Variants in GLIPR1L2 observed in about 807,000 individuals in gnomAD.
GLIPR1L2 encodes GLIPR1 like 2, also known as GLIPR1-like protein 2.
Under a neutral mutation model 28.4 loss-of-function variants are expected in GLIPR1L2, and 21 were observed. The observed-to-expected ratio is 0.74, with a 90% confidence interval of 0.52 to 1.06. The LOEUF (loss-of-function observed/expected upper bound fraction) is 1.06. Among genes scored for constraint, GLIPR1L2 ranks in the 50% least tolerant of loss-of-function variants. The pLI, the probability that GLIPR1L2 is intolerant of heterozygous loss-of-function variation, is 0.00. For synonymous variants in GLIPR1L2, 145 were observed against 139.3 expected, an observed-to-expected ratio of 1.04 and a Z score of -0.29; for missense variants, 476 against 416.9, an observed-to-expected ratio of 1.14 and a Z score of -1.23.
chr12:75,395,063 C>G (rs993367908), intron 1 of GLIPR1L2, among the ~76,000 whole-genome samples: 1 of 151,880 alleles, frequency 6.6e-6, no homozygotes, highest in Non-Finnish European at 1.5e-5. Flanking sequence ...TATTGAAAAG[C>G]AACTAATTTT....
intron 3 of GLIPR1L2, among the ~76,000 whole-genome samples, chr12:75,421,192 G>A (rs1275232449): frequency 6.9e-6 from 1 of 145,026 alleles, no homozygotes; most frequent in African/African-American, 2.9e-5. Flanking sequence ...GTAGCTAAAG[G>A]TGACTAGATC....
chr12:75,401,999 G>A (rs1205553363), intron 1 of GLIPR1L2, among the ~76,000 whole-genome samples: 3 of 151,450 alleles, frequency 2.0e-5, no homozygotes, highest in Non-Finnish European at 4.4e-5. Flanking sequence ...TGCAAGAACT[G>A]GAAAAAAAAT....
intron 1 of GLIPR1L2, among the ~76,000 whole-genome samples, chr12:75,405,805 A>G (rs1000844033): frequency 3.3e-5 from 5 of 152,152 alleles, no homozygotes; most frequent in African/African-American, 1.2e-4. Context: ...TTGTGAAAAG[A>G]AAAATTTATG....
At chr12:75,422,305 CT>C (rs34747987) in intron 3 of GLIPR1L2, among the ~76,000 whole-genome samples, 22,819 of 129,106 alleles carry the variant, frequency 0.18, 1,827 homozygotes, top group Admixed American at 0.24. Context: ...CTACATCATT[CT>C]TTTTTTTTTT....
chr12:75,417,561 A>G (rs1004715075), intron 3 of GLIPR1L2, among the ~76,000 whole-genome samples: 6 of 152,192 alleles, frequency 3.9e-5, no homozygotes, highest in African/African-American at 1.4e-4. Flanking sequence ...AGCAACCTTG[A>G]AAATTTTTCT....
At chr12:75,407,456 G>A (rs1225582926) in intron 1 of GLIPR1L2, among the ~76,000 whole-genome samples, 2 of 151,978 alleles carry the variant, frequency 1.3e-5, no homozygotes, top group Non-Finnish European at 2.9e-5. Flanking sequence ...CAAGTGGTGT[G>A]GAACTATAAA....
Position 75,410,481 on chromosome 12 carries a change from AT to A in GLIPR1L2, c.283del (p.Cys95ValfsTer104), listed in dbSNP as rs752899425. The A allele has an allele frequency of 3.1e-4, 507 of 1,609,726 alleles. 1 individual carries two copies. Among genetic ancestry groups the A allele is most frequent in the Non-Finnish European group, 3.8e-4 (448 of 1,177,616 alleles). On this transcript the variant is annotated frameshift_variant, in exon 2 of 6. Transcript: ENST00000550916. LOFTEE classifies it high-confidence loss of function. ...GGACTGCTAGAGCATGGGGAAAAAA[AT>A]GTTTGTTTACGCATAATATTTATTT... ...SRTARAWGKK[C>X]LFTHNIYLQD...
At chr12:75,413,542 A>G (rs2045892874) in intron 2 of GLIPR1L2, 56 bp from the exon 3 acceptor site, 1 of 929,976 alleles carries the variant, frequency 1.1e-6, no homozygotes, top group Non-Finnish European at 1.7e-6. Flanking sequence ...TGTTTATAAT[A>G]TGAAAGTCAA....
chr12:75,413,685 TG>T lies in GLIPR1L2; in HGVS notation c.569del (p.Cys190SerfsTer9). On this transcript the variant is annotated frameshift_variant, in exon 3 of 6. Coordinates refer to ENST00000550916, the MANE Select transcript of GLIPR1L2 (RefSeq NM_001270396.2). LOFTEE classifies it high-confidence loss of function. ...GHIIHAAIFI[C>X]NYAPGGTLTR... ...TATTATACATGCAGCAATTTTCATA[TG>T]CAACTATGCGCCAGGGTAAGTTACT... The T allele has an allele frequency of 6.7e-7, 1 of 1,489,504 alleles. No individual in the cohort carries two copies. Among genetic ancestry groups the T allele is most frequent in the Admixed American group, 2.1e-5 (1 of 47,990 alleles). 92.3% of individuals were successfully genotyped at this position (1,489,504 alleles called of 1,614,324 possible). A position where few individuals can be genotyped will look rare whatever the true frequency, so the allele number is the denominator to read the frequency against.
chr12:75,420,023 C>G (rs1566075646), intron 3 of GLIPR1L2, among the ~76,000 whole-genome samples: 1 of 152,158 alleles, frequency 6.6e-6, no homozygotes, highest in South Asian at 2.1e-4. Flanking sequence ...TCTTGGAAAA[C>G]CCATAGATCT....
At chr12:75,427,743 T>C (rs1313573890) in intron 4 of GLIPR1L2, among the ~76,000 whole-genome samples, 2 of 152,180 alleles carry the variant, frequency 1.3e-5, no homozygotes, top group East Asian at 3.8e-4. Flanking sequence ...GTTTCTCTCA[T>C]GCTGTTCTCA....
At chr12:75,394,699 A>T (rs1443140195) in intron 1 of GLIPR1L2, among the ~76,000 whole-genome samples, 1 of 132,050 alleles carries the variant, frequency 7.6e-6, no homozygotes, top group African/African-American at 2.9e-5. Context: ...CTTCAAGATT[A>T]TTTTGGCCAT....
At chr12:75,413,844 T>C (rs900104463) in intron 3 of GLIPR1L2, 143 bp downstream of exon 3, 31 of 462,478 alleles carry the variant, frequency 6.7e-5, no homozygotes, top group African/African-American at 5.9e-4. Context: ...ATCAATTTTA[T>C]AATGAAATAA....
At position 75,415,370 on chromosome 12, in the gene GLIPR1L2, G is replaced by A. The variant is rs1197668464; in HGVS notation, c.584+1669G>A. On this transcript the variant is annotated intron_variant, in intron 3 of 5. Transcript: ENST00000550916. Reference sequence around the variant, plus strand: ...AAATATAAGGAAACGAGTGTAAAGAGGAAGTACAATTAGGAGGCTGTTGCC... The same window carrying A: ...AAATATAAGGAAACGAGTGTAAAGAAGAAGTACAATTAGGAGGCTGTTGCC... Among the ~76,000 whole-genome samples the A allele has an allele frequency of 4.6e-5, 7 of 152,208 alleles. No individual in the cohort carries two copies. In the South Asian group the frequency reaches 1.0e-3, roughly 23 times the overall value.
chr12:75,404,375 A>G (rs561101030), intron 1 of GLIPR1L2, among the ~76,000 whole-genome samples: 26 of 152,306 alleles, frequency 1.7e-4, no homozygotes, highest in African/African-American at 6.0e-4. Context: ...AGAAAAATAC[A>G]AACTAATCCA....
chr12:75,417,975 C>G (rs4565939), intron 3 of GLIPR1L2, among the ~76,000 whole-genome samples: 53,005 of 151,784 alleles, frequency 0.35, 9,623 homozygotes, highest in East Asian at 0.46. Context: ...TATTAACTGA[C>G]CTAGGAAAAT....
chr12:75,410,410 C>G, intron 1 of GLIPR1L2, 24 bp from the exon 2 acceptor site: 2 of 1,485,722 alleles, frequency 1.3e-6, no homozygotes, highest in Non-Finnish European at 1.8e-6. Flanking sequence ...ATTTTGTTCT[C>G]TTTGCTTTTT....
intron 1 of GLIPR1L2, chr12:75,403,050 T>A (rs544744308): frequency 8.7e-6 from 4 of 457,260 alleles, no homozygotes; most frequent in African/African-American, 8.0e-5. Context: ...TGGTAGCAGA[T>A]TCATCATTGG....
Position 75,410,532 on chromosome 12 carries a change from T to C in GLIPR1L2, c.333T>C (p.Pro111=). 3 of 1,612,368 alleles carry C rather than the reference T, an allele frequency of 1.9e-6. No individual in the cohort carries two copies. The highest frequency in any genetic ancestry group is 2.5e-6 in the Non-Finnish European group (3 of 1,178,916). ...TACAAGATGTACAAATGGTCCATCC[T>C]AAATTTTATGGTATTGGTGAAAATA... ...IYLQDVQMVH[P]KFYGIGENMW... is the part of the protein sequence containing the mutation. The change falls in exon 2 of 6, where the codon CCT becomes CCC. Residue 111 remains proline (P), a synonymous_variant. Coordinates refer to ENST00000550916, the MANE Select transcript of GLIPR1L2 (RefSeq NM_001270396.2).
Sources: gnomAD v4.1 joint callset for allele counts (sites outside exome capture counted in the v4.1 genomes callset) on GRCh38, gnomAD v4.1.1 for gene constraint, MANE v1.5 for transcripts, NCBI Gene and HGNC (gene_info 2026-07-23, HGNC 2026-07-21) for gene names.